Variants in AKT3 observed in about 807,000 individuals in gnomAD.
The protein encoded by AKT3 is AKT serine/threonine kinase 3.
Under a neutral mutation model 65.3 loss-of-function variants are expected in AKT3, and 15 were observed. That is an observed-to-expected ratio of 0.23 (90% CI 0.15 to 0.35). AKT3 has a LOEUF of 0.35. Among genes scored for constraint, AKT3 ranks in the 10% least tolerant of loss-of-function variants. The probability of loss-of-function intolerance (pLI) is 1.00; values close to 1 mark genes in which losing one functional copy is unlikely to be tolerated. For missense variants in AKT3, 243 were observed against 576.5 expected, an observed-to-expected ratio of 0.42 and a Z score of 5.92; for synonymous variants, 206 against 183.8, an observed-to-expected ratio of 1.12 and a Z score of -0.98.
intron 2 of AKT3, among the ~76,000 whole-genome samples, chr1:243,829,791 T>C (rs1694388120): frequency 6.6e-6 from 1 of 152,210 alleles, no homozygotes; most frequent in Non-Finnish European, 1.5e-5. Flanking sequence ...ATAAACTGAC[T>C]TTATAAATGA....
At chr1:243,807,528 C>G (rs1033621005) in intron 2 of AKT3, among the ~76,000 whole-genome samples, 1 of 152,220 alleles carries the variant, frequency 6.6e-6, no homozygotes, top group African/African-American at 2.4e-5. Flanking sequence ...GTAAACAAAG[C>G]AGCCGGGAAG....
chr1:243,696,915 C>T lies in AKT3; in HGVS notation c.47-1199G>A, dbSNP rs753380102. ...CAAAATATCCTGTGACTCCTTACTGCTTACTGTAAAGTCCAGTCTCTTACC... is the reference window on the plus strand; with the variant it reads ...CAAAATATCCTGTGACTCCTTACTGTTTACTGTAAAGTCCAGTCTCTTACC... On this transcript the variant is annotated intron_variant, in intron 2 of 13. Transcript: ENST00000673466. Among the ~76,000 whole-genome samples the T allele has an allele frequency of 4.4e-4, 67 of 152,120 alleles. No homozygotes were observed. The Middle Eastern group carries it at 0.01, about 23-fold the overall frequency.
chr1:243,737,275 A>G (rs1289936651), intron 2 of AKT3, among the ~76,000 whole-genome samples: 2 of 152,192 alleles, frequency 1.3e-5, no homozygotes, highest in African/African-American at 4.8e-5. Context: ...CGCTTTCCTC[A>G]TAAGGTTGCT....
chr1:243,583,166 G>A (rs35507521), intron 8 of AKT3, among the ~76,000 whole-genome samples: 9,040 of 84,454 alleles, frequency 0.11, 429 homozygotes, highest in Non-Finnish European at 0.13. Flanking sequence ...ATGTATATGT[G>A]TGTGTATATA....
chr1:243,828,080 C>CAAT (rs1572417356), intron 2 of AKT3, among the ~76,000 whole-genome samples: 1 of 151,758 alleles, frequency 6.6e-6, no homozygotes, highest in African/African-American at 2.4e-5. Flanking sequence ...ACAACAACAA[C>CAAT]AACAACAACA....
At chr1:243,603,039 T>C (rs1677125490) in intron 8 of AKT3, among the ~76,000 whole-genome samples, 1 of 152,232 alleles carries the variant, frequency 6.6e-6, no homozygotes, top group Non-Finnish European at 1.5e-5. Context: ...CAATTTTGTC[T>C]ACTTTATTCT....
chr1:243,743,263 T>C (rs1021956374), intron 2 of AKT3, among the ~76,000 whole-genome samples: 1 of 152,180 alleles, frequency 6.6e-6, no homozygotes, highest in Non-Finnish European at 1.5e-5. Flanking sequence ...CCCTCTACAA[T>C]GCCTAATAAT....
chr1:243,493,257 G>C (rs1484528567), intron 13 of AKT3, among the ~76,000 whole-genome samples: 2 of 151,870 alleles, frequency 1.3e-5, no homozygotes, highest in Non-Finnish European at 1.5e-5. Flanking sequence ...GGGTGAGGGT[G>C]GTGGGTCTCA....
chr1:243,651,380 T>C (rs914923347), intron 4 of AKT3, among the ~76,000 whole-genome samples: 1 of 152,218 alleles, frequency 6.6e-6, no homozygotes, highest in Non-Finnish European at 1.5e-5. Flanking sequence ...TTGAATATCC[T>C]TTATTTCTTT....
intron 2 of AKT3, among the ~76,000 whole-genome samples, chr1:243,765,688 C>G (rs1458630941): frequency 6.6e-6 from 1 of 152,132 alleles, no homozygotes; most frequent in African/African-American, 2.4e-5. Context: ...GAAAACATTA[C>G]TAAATTCTCC....
chr1:243,731,088 G>A (rs1687533288), intron 2 of AKT3, among the ~76,000 whole-genome samples: 1 of 152,178 alleles, frequency 6.6e-6, no homozygotes, highest in Non-Finnish European at 1.5e-5. Flanking sequence ...GGCGCCACAG[G>A]CCACAATGGT....
intron 8 of AKT3, among the ~76,000 whole-genome samples, chr1:243,599,016 A>G (rs1473695396): frequency 6.6e-6 from 1 of 152,174 alleles, no homozygotes; most frequent in African/African-American, 2.4e-5. Context: ...ATTTGTGGGG[A>G]TGTTATTTTT....
At chr1:243,848,536 CTAAG>C (rs1185890264) in intron 1 of AKT3, among the ~76,000 whole-genome samples, 1 of 152,146 alleles carries the variant, frequency 6.6e-6, no homozygotes, top group Non-Finnish European at 1.5e-5. Context: ...CTTCGTTTTC[CTAAG>C]TAAATACATA....
intron 2 of AKT3, among the ~76,000 whole-genome samples, chr1:243,789,042 T>C (rs372877236): frequency 6.6e-6 from 1 of 152,136 alleles, no homozygotes. Flanking sequence ...TCTCAAGGAG[T>C]AGAATCCATC....
chr1:243,781,169 A>G (rs1405284664), intron 2 of AKT3, among the ~76,000 whole-genome samples: 3 of 152,148 alleles, frequency 2.0e-5, no homozygotes, highest in Non-Finnish European at 2.9e-5. Flanking sequence ...GATACCACAT[A>G]TATAAACCCT....
chr1:243,607,282 G>C (rs1677500077), intron 8 of AKT3, among the ~76,000 whole-genome samples: 1 of 152,232 alleles, frequency 6.6e-6, no homozygotes, highest in East Asian at 1.9e-4. Context: ...ACCAGCCCAT[G>C]AAAGTAGCTG....
At chr1:243,832,328 ACTC>A (rs1380505589) in intron 2 of AKT3, among the ~76,000 whole-genome samples, 7 of 151,922 alleles carry the variant, frequency 4.6e-5, no homozygotes, top group Admixed American at 6.6e-5. Context: ...TATAAACTGT[ACTC>A]CTACTTCTCA....
At chr1:243,543,938 T>C (rs1672484365) in intron 12 of AKT3, among the ~76,000 whole-genome samples, 1 of 152,128 alleles carries the variant, frequency 6.6e-6, no homozygotes, top group Admixed American at 6.5e-5. Flanking sequence ...AGACATGAAG[T>C]GCTTGTGTTA....
intron 2 of AKT3, among the ~76,000 whole-genome samples, chr1:243,838,007 G>C (rs1695001496): frequency 6.6e-6 from 1 of 152,128 alleles, no homozygotes; most frequent in Non-Finnish European, 1.5e-5. Flanking sequence ...ACATTAATAA[G>C]TGAATTTCAT....
Sources: gnomAD v4.1 joint callset for allele counts (sites outside exome capture counted in the v4.1 genomes callset) on GRCh38, gnomAD v4.1.1 for gene constraint, MANE v1.5 for transcripts, NCBI Gene and HGNC (gene_info 2026-07-23, HGNC 2026-07-21) for gene names.